Variants in ABCA12 observed in about 807,000 individuals in gnomAD.
ABCA12 encodes glucosylceramide transporter ABCA12.
Under a neutral mutation model 293.5 loss-of-function variants are expected in ABCA12, and 156 were observed. The observed-to-expected ratio is 0.53, with a 90% CI of 0.47 to 0.61. ABCA12 has a LOEUF of 0.61. Ranked by LOEUF, ABCA12 falls within the 20% of genes least tolerant of loss-of-function variation. The pLI, the probability that ABCA12 is intolerant of heterozygous loss-of-function variation, is 0.00. For missense variants in ABCA12, 2,797 were observed against 3,090.2 expected, an observed-to-expected ratio of 0.91 and a Z score of 2.25; for synonymous variants, 1,063 against 1,108.0, an observed-to-expected ratio of 0.96 and a Z score of 0.81.
intron 1 of ABCA12, among the ~76,000 whole-genome samples, chr2:215,129,647 T>C (rs1296322785): frequency 6.6e-6 from 1 of 152,220 alleles, no homozygotes; most frequent in Non-Finnish European, 1.5e-5. Context: ...TTCAGAAGCA[T>C]AATTGGTAAA....
chr2:215,057,454 A>G (rs1305692794), intron 3 of ABCA12, among the ~76,000 whole-genome samples: 2 of 152,052 alleles, frequency 1.3e-5, no homozygotes, highest in Admixed American at 6.6e-5. Flanking sequence ...TAGAAACTTC[A>G]AAAGCTCCGG....
In ABCA12 at chr2:214,948,911, C is replaced by A; in HGVS notation, c.6962+129G>T. The A allele has an allele frequency of 7.0e-6, 8 of 1,138,004 alleles. No individual in the cohort carries two copies. In the South Asian group the frequency reaches 9.1e-5, roughly 13 times the overall value. The allele number at this position is 1,138,004 out of a possible 1,614,324, so 70.5% of individuals were successfully genotyped here. On this transcript the variant is annotated intron_variant, in intron 46 of 52. Coordinates refer to ENST00000272895, the MANE Select transcript of ABCA12 (RefSeq NM_173076.3). ...TTAAACATTTAAACATTTCCACCCA[C>A]CTTAATAGCTTTGTTCTCCCCTAAG...
At chr2:215,018,603 A>G (rs987550186) in intron 13 of ABCA12, among the ~76,000 whole-genome samples, 5 of 152,214 alleles carry the variant, frequency 3.3e-5, no homozygotes, top group Non-Finnish European at 5.9e-5. Context: ...ACAGTTATAA[A>G]GGGTTTTTAC....
At chr2:215,081,965 A>G (rs1274079425) in intron 2 of ABCA12, among the ~76,000 whole-genome samples, 1 of 150,974 alleles carries the variant, frequency 6.6e-6, no homozygotes, top group Non-Finnish European at 1.5e-5. Context: ...CACACACTGT[A>G]TTGACCTCAG....
intron 2 of ABCA12, among the ~76,000 whole-genome samples, chr2:215,090,325 G>A: frequency 6.6e-6 from 1 of 152,084 alleles, no homozygotes; most frequent in South Asian, 2.1e-4. Flanking sequence ...TGAAGACCCG[G>A]GACAGGAGGA....
In ABCA12 at chr2:215,010,479, A is replaced by C. The variant is rs749885463; in HGVS notation, c.2333-9T>G. ...GGAGAAGCAAAATGGTGCTGGAAGG[A>C]AAAAGTGAAATAAAACCATTTAATA... On this transcript the variant is annotated splice_polypyrimidine_tract_variant and intron_variant, in intron 17 of 52. Transcript: ENST00000272895. 4 of 1,613,104 alleles carry C rather than the reference A, an allele frequency of 2.5e-6. No individual in the cohort carries two copies. In the East Asian group the frequency reaches 6.7e-5, roughly 27 times the overall value.
chr2:215,012,273 C>CTATTT, intron 15 of ABCA12, 138 bp from the exon 16 acceptor site: 1 of 737,972 alleles, frequency 1.4e-6, no homozygotes, highest in Non-Finnish European at 2.2e-6. Context: ...GTAAATTTAA[C>CTATTT]ACTCAACCTG....
chr2:215,022,373 C>T (rs1700649405), intron 11 of ABCA12: 1 of 152,060 alleles, frequency 6.6e-6, no homozygotes, highest in Non-Finnish European at 1.5e-5. Context: ...AATTCAGGGC[C>T]AATAATGTGG....
At chr2:215,091,168 C>T (rs553931846) in intron 2 of ABCA12, among the ~76,000 whole-genome samples, 44 of 152,178 alleles carry the variant, frequency 2.9e-4, no homozygotes, top group African/African-American at 8.2e-4. Flanking sequence ...GTCTCCACCC[C>T]AAGCAGAGTC....
intron 22 of ABCA12, chr2:214,999,744 C>T: frequency 2.1e-6 from 2 of 956,756 alleles, no homozygotes; most frequent in Non-Finnish European, 1.2e-6. Flanking sequence ...ACAGCCTCCA[C>T]AATAGCCAGC....
chr2:215,104,622 G>A (rs1410496265), intron 2 of ABCA12, among the ~76,000 whole-genome samples: 1 of 152,186 alleles, frequency 6.6e-6, no homozygotes, highest in Non-Finnish European at 1.5e-5. Context: ...GTATGTGAAG[G>A]GTCAGTAATG....
At position 215,138,170 on chromosome 2, in the gene ABCA12, C is replaced by G. The variant is rs1471499975; in HGVS notation, c.39G>C (p.Trp13Cys). The G allele has an allele frequency of 6.2e-7, 1 of 1,614,068 alleles. No homozygotes were observed. The highest frequency in any genetic ancestry group is 1.1e-5 in the South Asian group (1 of 91,078). ...GCCTTTTTACACCTAGCCAATTTTT[C>G]CAGACCAGGATCTGAAGCTGATGAA... ...SLFHQLQILVWKNWLGVKRQP... is the reference protein window; with the variant it reads ...SLFHQLQILVCKNWLGVKRQP... Residue 13 changes from tryptophan to cysteine, a missense_variant, in exon 1 of 53, where the codon TGG becomes TGC. By Grantham distance (215) the Trp-to-Cys change is radical. Transcript: ENST00000272895.
intron 2 of ABCA12, among the ~76,000 whole-genome samples, chr2:215,070,817 T>C (rs1221960413): frequency 1.3e-5 from 2 of 151,966 alleles, no homozygotes; most frequent in East Asian, 3.9e-4. Flanking sequence ...TCATTTGTTT[T>C]CCTGAACTGC....
chr2:214,953,035 C>A (rs1042317132), intron 44 of ABCA12, among the ~76,000 whole-genome samples: 9 of 152,162 alleles, frequency 5.9e-5, no homozygotes, highest in African/African-American at 1.9e-4. Context: ...TCAGCAGAGG[C>A]ACTCACAATT....
At chr2:214,994,199 T>G (rs1005376749) in intron 23 of ABCA12, among the ~76,000 whole-genome samples, 7 of 152,102 alleles carry the variant, frequency 4.6e-5, no homozygotes, top group African/African-American at 1.7e-4. Context: ...CCAAATTTGC[T>G]GATGGAAGGG....
chr2:215,030,588 A>G lies in ABCA12; in HGVS notation c.1061+1233T>C, dbSNP rs571186895. Among the ~76,000 whole-genome samples the G allele has an allele frequency of 1.7e-4, 23 of 139,158 alleles. 1 individual carries two copies. Among genetic ancestry groups the G allele is most frequent in the Admixed American group, 6.8e-4 (9 of 13,188 alleles). 91.3% of individuals were successfully genotyped at this position (139,158 alleles called of 152,430 possible). ...CACTGCACTCCAGCCTGGGCGACAG[A>G]GCCAGACTCCATCTCAAAAAAAAAA... On this transcript the variant is annotated intron_variant, in intron 9 of 52. Coordinates refer to ENST00000272895, the MANE Select transcript of ABCA12 (RefSeq NM_173076.3).
At position 214,987,741 on chromosome 2, in the gene ABCA12, C is replaced by T. The variant is rs1452228678; in HGVS notation, c.3882G>A (p.Trp1294Ter). Residue 1294 changes from tryptophan (W) to a stop codon, truncating the protein, a stop_gained, in exon 27 of 53, where the codon TGG becomes TGA. Transcript: ENST00000272895. LOFTEE classifies it high-confidence loss of function. ...PWYFPILPSY[W>*]KERFGCAEVK... ...CCTCTGCACACCCAAATCGCTCCTT[C>T]CAATAGGAAGGAAGAATTGGAAAAT... The T allele has an allele frequency of 1.2e-6, 2 of 1,613,972 alleles. No individual in the cohort carries two copies. Among genetic ancestry groups the T allele is most frequent in the South Asian group, 2.2e-5 (2 of 91,064 alleles).
In ABCA12 at chr2:215,009,517, T is replaced by C. The variant is rs151029383; in HGVS notation, c.2472+814A>G. Among the ~76,000 whole-genome samples, 267 of 152,250 alleles carry C rather than the reference T, an allele frequency of 1.8e-3. 1 individual carries two copies. The highest frequency in any genetic ancestry group is 6.1e-3 in the African/African-American group (252 of 41,558). ...TTTAAATTGAAAAACAAAGTTCATA[T>C]ATAACTCAATTTATGCAAAACTACA... On this transcript the variant is annotated intron_variant, in intron 18 of 52. Coordinates refer to ENST00000272895, the MANE Select transcript of ABCA12 (RefSeq NM_173076.3).
intron 3 of ABCA12, among the ~76,000 whole-genome samples, chr2:215,063,133 G>C (rs1701568816): frequency 6.6e-6 from 1 of 151,924 alleles, no homozygotes; most frequent in African/African-American, 2.4e-5. Context: ...GTCCCAAGCT[G>C]TGTCTCATGA....
Sources: allele counts gnomAD v4.1 joint callset (sites outside exome capture counted in the v4.1 genomes callset), GRCh38; gene constraint gnomAD v4.1.1; transcripts MANE v1.5; gene names NCBI Gene and HGNC (gene_info 2026-07-23, HGNC 2026-07-21).